The following DCAF1 variants were observed in gnomAD, a reference collection of about 807,000 sequenced individuals.
DCAF1 encodes the protein DDB1 and CUL4 associated factor 1.
A neutral mutation model predicts 128.0 loss-of-function variants in DCAF1; 15 were observed. That is an observed-to-expected ratio of 0.12 (90% CI 0.08 to 0.18). The LOEUF is 0.18. DCAF1 is among the 10% of genes least tolerant of loss of function. The pLI is 1.00. For synonymous variants in DCAF1, 610 were observed against 603.0 expected (o/e 1.01, Z -0.17); for missense variants, 988 against 1,649.5 (o/e 0.60, Z 6.95).
chr3:51,455,626 C>T (rs557703511), intron 6 of DCAF1, among the ~76,000 whole-genome samples: 16 of 150,820 alleles, frequency 1.1e-4, no homozygotes, highest in South Asian at 4.2e-4. Context: ...AGGCTGGGCG[C>T]GGTGGCTCAC....
chr3:51,446,960 C>CAAA (rs1340682184), intron 6 of DCAF1, among the ~76,000 whole-genome samples: 95 of 21,548 alleles, frequency 4.4e-3, no homozygotes, highest in Non-Finnish European at 7.0e-3. Context: ...AACTTTGTCT[C>CAAA]AAAAATAATA....
intron 14 of DCAF1, among the ~76,000 whole-genome samples, chr3:51,421,942 C>T (rs1393642974): frequency 1.3e-5 from 2 of 151,930 alleles, no homozygotes; most frequent in Admixed American, 6.6e-5. Context: ...TCTGCCTCAA[C>T]CCATTTTTCC....
At chr3:51,448,119 C>T (rs1470707487) in intron 6 of DCAF1, among the ~76,000 whole-genome samples, 1 of 152,146 alleles carries the variant, frequency 6.6e-6, no homozygotes, top group East Asian at 1.9e-4. Flanking sequence ...CACTGTACTT[C>T]CTGAATCTGA....
At chr3:51,453,960 A>G (rs557258265) in intron 6 of DCAF1, among the ~76,000 whole-genome samples, 1 of 152,236 alleles carries the variant, frequency 6.6e-6, no homozygotes, top group Admixed American at 6.6e-5. Flanking sequence ...TCAAAAAAAA[A>G]AAAACAAGCA....
At chr3:51,415,226 C>T (rs1698773590) in intron 18 of DCAF1, among the ~76,000 whole-genome samples, 1 of 152,164 alleles carries the variant, frequency 6.6e-6, no homozygotes, top group Non-Finnish European at 1.5e-5. Flanking sequence ...GGGACAGTGA[C>T]TCATGCCTGC....
At chr3:51,494,873 T>A (rs1708066744) in intron 2 of DCAF1, among the ~76,000 whole-genome samples, 1 of 152,126 alleles carries the variant, frequency 6.6e-6, no homozygotes, top group African/African-American at 2.4e-5. Context: ...CACTAAAATT[T>A]TAGAGTTCAA....
chr3:51,436,055 C>T (rs912493172), intron 9 of DCAF1, among the ~76,000 whole-genome samples: 1 of 152,172 alleles, frequency 6.6e-6, no homozygotes, highest in East Asian at 1.9e-4. Flanking sequence ...CAGGATGATT[C>T]GGGGGCCTCT....
chr3:51,411,221 G>C (rs1698388959), intron 23 of DCAF1, among the ~76,000 whole-genome samples: 1 of 151,856 alleles, frequency 6.6e-6, no homozygotes, highest in Admixed American at 6.6e-5. Context: ...CGATAGTAGG[G>C]GGAAACAGAA....
intron 7 of DCAF1, among the ~76,000 whole-genome samples, chr3:51,442,664 A>T (rs912222254): frequency 6.6e-6 from 1 of 151,948 alleles, no homozygotes; most frequent in Admixed American, 6.6e-5. Flanking sequence ...GCGTCATTGC[A>T]CTCCAGCTTG....
chr3:51,500,044 C>A (rs1308100610), upstream of DCAF1: 1 of 145,456 alleles, frequency 6.9e-6, no homozygotes, highest in Admixed American at 6.9e-5. Flanking sequence ...GTGCACCGCG[C>A]GCGCGCGCTC....
chr3:51,436,337 G>A (rs1292578154), intron 9 of DCAF1: 7 of 518,760 alleles, frequency 1.3e-5, no homozygotes, highest in Non-Finnish European at 2.3e-5. Context: ...GGGCTTAAGA[G>A]AGTTCAGAAT....
intron 3 of DCAF1, among the ~76,000 whole-genome samples, chr3:51,482,495 T>C (rs1263641398): frequency 2.7e-5 from 4 of 149,382 alleles, no homozygotes; most frequent in Non-Finnish European, 4.4e-5. Flanking sequence ...ACGGGCGCAG[T>C]GGCTCACACC....
rs2089355597 is a variant in DCAF1 at position 51,398,265 on chromosome 3, G to A, written c.*504C>T. On this transcript the variant is annotated 3_prime_UTR_variant, in exon 25 of 25. Coordinates refer to ENST00000684031, the MANE Select transcript of DCAF1 (RefSeq NM_001387579.1). ...ACGATTTTCCTTTTCATTTAAATAC[G>A]TATGTAAAAATGCCTCTATATTGTT... The A allele has an allele frequency of 6.6e-6, 1 of 151,802 alleles. No homozygotes were observed. The highest frequency in any genetic ancestry group is 2.4e-5 in the African/African-American group (1 of 41,332). 9.4% of individuals were successfully genotyped at this position (151,802 alleles called of 1,614,324 possible). A position where few individuals can be genotyped will look rare whatever the true frequency, so the allele number is the denominator to read the frequency against.
upstream of DCAF1, among the ~76,000 whole-genome samples, chr3:51,501,580 T>C (rs1708811021): frequency 6.6e-6 from 1 of 152,154 alleles, no homozygotes; most frequent in Admixed American, 6.6e-5. Context: ...CGACAGCTAG[T>C]AAGGATCCTG....
chr3:51,425,852 C>T (rs1553633968), intron 13 of DCAF1, among the ~76,000 whole-genome samples: 1 of 152,056 alleles, frequency 6.6e-6, no homozygotes, highest in African/African-American at 2.4e-5. Flanking sequence ...GTATGAACCA[C>T]CACGCCTGGC....
intron 5 of DCAF1, among the ~76,000 whole-genome samples, chr3:51,463,933 C>T (rs1189386441): frequency 6.6e-6 from 1 of 152,122 alleles, no homozygotes; most frequent in Non-Finnish European, 1.5e-5. Context: ...TGGCTCACTG[C>T]AGTCTCGACC....
At chr3:51,439,485 A>C (rs1553638014) in intron 9 of DCAF1, among the ~76,000 whole-genome samples, 5 of 122,268 alleles carry the variant, frequency 4.1e-5, no homozygotes, top group African/African-American at 3.2e-5. Context: ...TCTGTTGCCC[A>C]GGCTGGAGTA....
At chr3:51,480,125 A>AG (rs1553652260) in intron 3 of DCAF1, among the ~76,000 whole-genome samples, 2 of 148,186 alleles carry the variant, frequency 1.3e-5, no homozygotes, top group Admixed American at 6.9e-5. Context: ...AAAAAAAAAA[A>AG]TTTTTTTTAA....
chr3:51,404,681 C>T (rs1210920113), intron 23 of DCAF1, among the ~76,000 whole-genome samples: 1 of 152,182 alleles, frequency 6.6e-6, no homozygotes, highest in African/African-American at 2.4e-5. Context: ...AACTGAGCCC[C>T]TTTTAAATAC....
Sources: gnomAD v4.1 joint callset for allele counts (sites outside exome capture counted in the v4.1 genomes callset) on GRCh38, gnomAD v4.1.1 for gene constraint, MANE v1.5 for transcripts, NCBI Gene and HGNC (gene_info 2026-07-23, HGNC 2026-07-21) for gene names.